AK5: variants seen among roughly 807,000 people sequenced by gnomAD.
AK5 encodes adenylate kinase isoenzyme 5.
AK5 carries 27 observed loss-of-function variants against 69.5 expected under a neutral mutation model. The ratio of observed to expected loss-of-function variants is 0.39; its 90% CI spans 0.29 to 0.54. AK5 has a LOEUF of 0.54. AK5 is among the 20% of genes least tolerant of loss of function. The pLI is 0.71. For synonymous variants in AK5, 260 were observed against 244.4 expected (o/e 1.06, Z -0.60); for missense variants, 531 against 700.4 (o/e 0.76, Z 2.73).
At chr1:77,529,667 G>A in intron 12 of AK5, among the ~76,000 whole-genome samples, 1 of 152,182 alleles carries the variant, frequency 6.6e-6, no homozygotes, top group Admixed American at 6.5e-5. Context: ...ACTCCCTGGT[G>A]TGAAATTGAA....
intron 6 of AK5, among the ~76,000 whole-genome samples, chr1:77,382,976 G>A (rs1257993317): frequency 1.3e-5 from 2 of 151,958 alleles, no homozygotes; most frequent in Non-Finnish European, 2.9e-5. Flanking sequence ...AATACAAAGA[G>A]AACAAATGAA....
At chr1:77,376,635 A>G (rs969777415) in intron 6 of AK5, among the ~76,000 whole-genome samples, 2 of 152,000 alleles carry the variant, frequency 1.3e-5, no homozygotes, top group African/African-American at 4.8e-5. Flanking sequence ...AGGGATATGG[A>G]TGAAATAAGA....
chr1:77,481,609 GT>G (rs1435715275), intron 8 of AK5, among the ~76,000 whole-genome samples: 1 of 152,166 alleles, frequency 6.6e-6, no homozygotes, highest in African/African-American at 2.4e-5. Context: ...TCAAGGGAGT[GT>G]TAATACAACC....
intron 8 of AK5, among the ~76,000 whole-genome samples, chr1:77,431,564 T>G (rs757568747): frequency 6.6e-6 from 1 of 152,128 alleles, no homozygotes; most frequent in Non-Finnish European, 1.5e-5. Flanking sequence ...TAGAGAACAA[T>G]TAGGAGCCAA....
chr1:77,362,679 A>G (rs551371856), intron 6 of AK5, among the ~76,000 whole-genome samples: 6 of 152,348 alleles, frequency 3.9e-5, no homozygotes, highest in Non-Finnish European at 5.9e-5. Flanking sequence ...TAATCATCAA[A>G]CAAATTATAA....
At chr1:77,383,376 AAGAC>A (rs1268387219) in intron 6 of AK5, among the ~76,000 whole-genome samples, 1 of 152,196 alleles carries the variant, frequency 6.6e-6, no homozygotes, top group African/African-American at 2.4e-5. Flanking sequence ...GGAATAAAGA[AAGAC>A]AAAGATTACC....
intron 6 of AK5, among the ~76,000 whole-genome samples, chr1:77,377,644 T>C (rs1647336090): frequency 6.6e-6 from 1 of 152,248 alleles, no homozygotes; most frequent in African/African-American, 2.4e-5. Context: ...TAGTGCTTTC[T>C]TATTATCTCT....
At chr1:77,379,850 A>G (rs1464874222) in intron 6 of AK5, among the ~76,000 whole-genome samples, 2 of 152,228 alleles carry the variant, frequency 1.3e-5, no homozygotes, top group African/African-American at 2.4e-5. Context: ...TAAATAACGT[A>G]TCTGGGTCAG....
chr1:77,467,573 T>G (rs896821787), intron 8 of AK5, among the ~76,000 whole-genome samples: 1 of 152,230 alleles, frequency 6.6e-6, no homozygotes, highest in Non-Finnish European at 1.5e-5. Flanking sequence ...TACCTGATTT[T>G]TTTTCTAAAA....
intron 5 of AK5, among the ~76,000 whole-genome samples, chr1:77,333,881 T>C (rs949673566): frequency 1.3e-5 from 2 of 152,230 alleles, no homozygotes; most frequent in Admixed American, 6.5e-5. Context: ...GTGGTAAAGG[T>C]ACAATTCCTG....
intron 11 of AK5, among the ~76,000 whole-genome samples, chr1:77,521,169 C>G (rs954359183): frequency 6.6e-6 from 1 of 150,880 alleles, no homozygotes; most frequent in Admixed American, 6.6e-5. Flanking sequence ...CAGTCTCGCT[C>G]GTCACCCAGG....
intron 6 of AK5, among the ~76,000 whole-genome samples, chr1:77,385,306 C>T (rs1647941153): frequency 2.0e-5 from 3 of 152,142 alleles, no homozygotes; most frequent in Non-Finnish European, 1.5e-5. Flanking sequence ...ACTACAGGTG[C>T]CCGCCACCAC....
At chr1:77,489,353 C>T (rs1570245694) in intron 10 of AK5, among the ~76,000 whole-genome samples, 1 of 152,164 alleles carries the variant, frequency 6.6e-6, no homozygotes, top group East Asian at 1.9e-4. Context: ...GCTGTTTGGG[C>T]CATAGAAGGT....
intron 10 of AK5, among the ~76,000 whole-genome samples, chr1:77,490,132 C>CA (rs1471378816): frequency 6.6e-6 from 1 of 151,500 alleles, no homozygotes; most frequent in South Asian, 2.1e-4. Flanking sequence ...CCATAACAAC[C>CA]AAAATTGCAA....
intron 8 of AK5, among the ~76,000 whole-genome samples, chr1:77,444,195 G>GTATATATATA (rs34198954): frequency 2.8e-5 from 3 of 108,228 alleles, no homozygotes; most frequent in African/African-American, 1.1e-4. Context: ...CAGATAAGTG[G>GTATATATATA]TATATATATA....
chr1:77,283,610 A>G, intron 1 of AK5: 1 of 985,478 alleles, frequency 1.0e-6, no homozygotes. Context: ...CAAGATTTCC[A>G]GGTAAACCAC....
intron 10 of AK5, among the ~76,000 whole-genome samples, chr1:77,487,135 TG>T (rs1655656372): frequency 6.6e-6 from 1 of 152,240 alleles, no homozygotes; most frequent in Admixed American, 6.5e-5. Context: ...GGAGAAAATG[TG>T]TTTGAGGTTT....
intron 8 of AK5, among the ~76,000 whole-genome samples, chr1:77,430,186 G>A (rs909677546): frequency 2.6e-5 from 4 of 151,976 alleles, no homozygotes; most frequent in Admixed American, 1.3e-4. Flanking sequence ...GGAGGCTGCA[G>A]TGGTCCAAAC....
At chr1:77,294,689 C>A (rs577090872) in intron 3 of AK5, among the ~76,000 whole-genome samples, 5 of 151,934 alleles carry the variant, frequency 3.3e-5, no homozygotes, top group Non-Finnish European at 5.9e-5. Context: ...TAAAAGTTGC[C>A]ACTATGAATC....
Sources: allele counts gnomAD v4.1 joint callset (sites outside exome capture counted in the v4.1 genomes callset), GRCh38; gene constraint gnomAD v4.1.1; transcripts MANE v1.5; gene names NCBI Gene and HGNC (gene_info 2026-07-23, HGNC 2026-07-21).